The following SPTA1 variants were observed in gnomAD, a reference collection of about 807,000 sequenced individuals.
SPTA1 encodes spectrin alpha chain, erythrocytic 1.
In SPTA1, 177 loss-of-function variants were observed where a neutral mutation model predicts 324.7. That is an observed-to-expected ratio of 0.55 (90% CI 0.48 to 0.62). The LOEUF (loss-of-function observed/expected upper bound fraction) is 0.62, where lower values mean the gene tolerates loss of function less well. Among genes scored for constraint, SPTA1 ranks in the 20% least tolerant of loss-of-function variants. The probability of loss-of-function intolerance (pLI) is 0.00; values close to 1 mark genes in which losing one functional copy is unlikely to be tolerated. For synonymous variants in SPTA1, 1,195 were observed against 1,041.3 expected, an observed-to-expected ratio of 1.15 and a Z score of -2.84; for missense variants, 3,162 against 2,883.6, an observed-to-expected ratio of 1.10 and a Z score of -2.21.
At position 158,677,788 on chromosome 1, in the gene SPTA1, G is replaced by T. The variant is rs1258785333; in HGVS notation, c.859C>A (p.Leu287Ile). The change falls in exon 7 of 52, where the codon CTC (leucine) becomes ATC (isoleucine). Residue 287 changes from leucine to isoleucine, a missense_variant. Physicochemically the swap from Leu to Ile is conservative, Grantham distance 5 (BLOSUM62 2). Coordinates refer to ENST00000643759, the MANE Select transcript of SPTA1 (RefSeq NM_003126.4). ...TCTTTGCCATAGTCCTCAGAGGTGA[G>T]TACAGGTTCCTTCTCCTTGATCCAC... ...IQWIKEKEPV[L>I]TSEDYGKDLV... 4 of 1,613,570 alleles carry T rather than the reference G, an allele frequency of 2.5e-6. No individual in the cohort carries two copies. The highest frequency in any genetic ancestry group is 2.7e-5 in the African/African-American group (2 of 74,856).
intron 2 of SPTA1, among the ~76,000 whole-genome samples, chr1:158,684,109 T>C (rs988461624): frequency 6.6e-6 from 1 of 150,618 alleles, no homozygotes; most frequent in African/African-American, 2.4e-5. Context: ...AAAAAAAAAC[T>C]CTGGTTAACT....
In SPTA1 at chr1:158,626,841, A is replaced by G. The variant is rs1285871810; in HGVS notation, c.5831T>C (p.Ile1944Thr). 1 of 1,613,654 alleles carries G rather than the reference A, an allele frequency of 6.2e-7. No individual in the cohort carries two copies. The highest frequency in any genetic ancestry group is 1.1e-5 in the South Asian group (1 of 91,078). ...NWKADVVEAW[I>T]ADKETSLKTN... ...ACCCTGAACCTGACACATCATACCTATCCAAGCCTCTACCACATCAGCCTT... is the reference window on the plus strand; with the variant it reads ...ACCCTGAACCTGACACATCATACCTGTCCAAGCCTCTACCACATCAGCCTT... Residue 1944 changes from isoleucine to threonine, a missense_variant and splice_region_variant, in exon 41 of 52, where the codon ATA becomes ACA. Ile to Thr is a moderately conservative substitution (Grantham distance 89). Coordinates refer to ENST00000643759, the MANE Select transcript of SPTA1 (RefSeq NM_003126.4).
chr1:158,655,641 TG>T (rs1187890535), intron 20 of SPTA1, among the ~76,000 whole-genome samples: 2 of 152,222 alleles, frequency 1.3e-5, no homozygotes, highest in Non-Finnish European at 2.9e-5. Context: ...CTACGTCTTT[TG>T]TTTACTCTGA....
At position 158,657,556 on chromosome 1, in the gene SPTA1, T is replaced by C; in HGVS notation, c.2726A>G (p.His909Arg). The C allele has an allele frequency of 1.9e-6, 3 of 1,611,762 alleles. No homozygotes were observed. Among genetic ancestry groups the C allele is most frequent in the South Asian group, 1.1e-5 (1 of 91,026 alleles). The change falls in exon 19 of 52, where the codon CAT becomes CGT. Residue 909 changes from histidine to arginine, a missense_variant. Transcript: ENST00000643759. ...CTCTCTGATCCATGTTTCTGCTTCA[T>C]GCAGGTCAGCCAGGTACTGCTGGAA... Reference protein sequence around the residue: ...VQFQQYLADLHEAETWIREKE... With the variant: ...VQFQQYLADLREAETWIREKE...
In SPTA1 at chr1:158,676,275, T is replaced by G. The variant is rs532789393; in HGVS notation, c.978A>C (p.Lys326Asn). The G allele has an allele frequency of 6.2e-7, 1 of 1,613,668 alleles. No homozygotes were observed. The highest frequency in any genetic ancestry group is 2.2e-5 in the East Asian group (1 of 44,878). Reference protein sequence around the residue: ...MSDKVKELCAKAEKLTLSHPS... With the variant: ...MSDKVKELCANAEKLTLSHPS... Reference sequence around the variant, plus strand: ...GATGGGAAAGTGTCAGCTTCTCTGCTTTAGCACATAACTCCTTCACCTTTG... The same window carrying G: ...GATGGGAAAGTGTCAGCTTCTCTGCGTTAGCACATAACTCCTTCACCTTTG... The change falls in exon 8 of 52, where the codon AAA (lysine) becomes AAC (asparagine). Residue 326 changes from lysine (K) to asparagine (N), a missense_variant. Transcript: ENST00000643759.
rs1651674986 is a variant in SPTA1, at chr1:158,642,461, T to A, written c.4687A>T (p.Asn1563Tyr). 5 of 1,613,544 alleles carry A rather than the reference T, an allele frequency of 3.1e-6. No homozygotes were observed. The highest frequency in any genetic ancestry group is 4.2e-6 in the Non-Finnish European group (5 of 1,179,748). ...CAAGCGCTACACTCAATCAGGGAGT[T>A]CCCCAGGTTGATGACGCCATGCACC... is the stretch of plus-strand genomic sequence containing the variant. ...EQVHGVINLG[N>Y]SLIECSACDG... Residue 1563 changes from asparagine (N) to tyrosine (Y), a missense_variant, in exon 33 of 52, where the codon AAC (asparagine) becomes TAC (tyrosine). Physicochemically the swap from Asn to Tyr is moderately radical, Grantham distance 143. Coordinates refer to ENST00000643759, the MANE Select transcript of SPTA1 (RefSeq NM_003126.4).
chr1:158,670,270 G>C (rs1653925417), intron 12 of SPTA1, among the ~76,000 whole-genome samples: 1 of 152,128 alleles, frequency 6.6e-6, no homozygotes, highest in Admixed American at 6.5e-5. Flanking sequence ...AAATTATAGA[G>C]GTAAGTTTTC....
Position 158,617,712 on chromosome 1 carries a change from A to T in SPTA1, c.6549-124T>A, listed in dbSNP as rs1172192060. 1.1e-4 allele frequency: 106 copies of T among 999,720 alleles called. No homozygotes were observed. The East Asian group carries it at 2.7e-3, about 25-fold the overall frequency. The allele number at this position is 999,720 out of a possible 1,614,324, so 61.9% of individuals were successfully genotyped here. ...GGTTATGTGGCTTACATGAAGCAAA[A>T]TTTCACAGAGCCAAATTTTCACAAC... On this transcript the variant is annotated intron_variant, in intron 46 of 51. Transcript: ENST00000643759.
chr1:158,647,661 C>T lies in SPTA1; in HGVS notation c.3774G>A (p.Glu1258=). Residue 1258 remains glutamate, a synonymous_variant, in exon 27 of 52, where the codon GAG becomes GAA. Transcript: ENST00000643759. ...GCTCCATTTTCTGTCTCTGCAGGTCCTCAGTGGCATCTGGATGGGACTCAC... is the reference window on the plus strand; with the variant it reads ...GCTCCATTTTCTGTCTCTGCAGGTCTTCAGTGGCATCTGGATGGGACTCAC... ...RLSESHPDAT[E]DLQRQKMELN... is the part of the protein sequence containing the mutation. 6.2e-7 allele frequency: 1 copy of T among 1,613,994 alleles called. No homozygotes were observed. The highest frequency in any genetic ancestry group is 1.3e-5 in the African/African-American group (1 of 75,010).
chr1:158,658,738 A>G (rs1653000959), intron 18 of SPTA1, among the ~76,000 whole-genome samples: 1 of 152,132 alleles, frequency 6.6e-6, no homozygotes, highest in Non-Finnish European at 1.5e-5. Context: ...AAGCTTTAAA[A>G]CAGGTAGAGG....
chr1:158,650,380 T>C (rs1316374873), intron 24 of SPTA1, among the ~76,000 whole-genome samples: 1 of 152,190 alleles, frequency 6.6e-6, no homozygotes. Flanking sequence ...TTCGTATTTC[T>C]TCACCTTCTT....
intron 18 of SPTA1, 95 bp from the exon 19 acceptor site, chr1:158,657,789 T>A: frequency 8.0e-7 from 1 of 1,249,002 alleles, no homozygotes; most frequent in Non-Finnish European, 1.2e-6. Flanking sequence ...AAGGAAGTGA[T>A]AAAAATGGTA....
At chr1:158,685,488 T>C in intron 1 of SPTA1, 141 bp from the exon 2 acceptor site, 2 of 1,204,812 alleles carry the variant, frequency 1.7e-6, no homozygotes, top group Non-Finnish European at 2.3e-6. Flanking sequence ...TCAGAAGAGC[T>C]GTAGTATATT....
intron 5 of SPTA1, among the ~76,000 whole-genome samples, chr1:158,679,549 G>A (rs769208089): frequency 5.9e-5 from 9 of 151,988 alleles, no homozygotes; most frequent in Non-Finnish European, 1.2e-4. Context: ...TGCATGATGA[G>A]AGGTCACCCA....
Position 158,645,339 on chromosome 1 carries a change from A to G in SPTA1, c.4043T>C (p.Leu1348Ser). The G allele has an allele frequency of 1.2e-6, 2 of 1,613,854 alleles. No homozygotes were observed. The highest frequency in any genetic ancestry group is 8.5e-7 in the Non-Finnish European group (1 of 1,179,922). The change falls in exon 29 of 52, where the codon TTA becomes TCA. Residue 1348 changes from leucine to serine, a missense_variant. Transcript: ENST00000643759. ...GATAAGTTCTGCACTGAAGTCCTCT[A>G]AGGCCTGGAAGGTGGGAGCCTCTGC... ...MEAEAPTFQA[L>S]EDFSAELIDS...
intron 42 of SPTA1, among the ~76,000 whole-genome samples, chr1:158,625,827 A>G (rs1051280348): frequency 2.6e-5 from 4 of 151,756 alleles, no homozygotes; most frequent in Non-Finnish European, 4.4e-5. Context: ...AAATTAAAAG[A>G]AAACATTAAA....
At chr1:158,663,699 T>C (rs1413246826) in intron 16 of SPTA1, among the ~76,000 whole-genome samples, 1 of 152,062 alleles carries the variant, frequency 6.6e-6, no homozygotes, top group Non-Finnish European at 1.5e-5. Context: ...GGTATAAGAG[T>C]GGCACATAAG....
intron 15 of SPTA1, 49 bp downstream of exon 15, chr1:158,667,809 G>T (rs1481552722): frequency 1.9e-6 from 3 of 1,585,204 alleles, no homozygotes; most frequent in Non-Finnish European, 2.6e-6. Flanking sequence ...AAAGGTAGTA[G>T]ATTTCAGAAT....
chr1:158,645,315 A>G lies in SPTA1; in HGVS notation c.4067T>C (p.Ile1356Thr). The G allele has an allele frequency of 2.5e-6, 4 of 1,613,996 alleles. No homozygotes were observed. The highest frequency in any genetic ancestry group is 1.7e-5 in the Admixed American group (1 of 59,982). ...AGGGCTAGCATGGTGCCCACTGTCG[A>G]TAAGTTCTGCACTGAAGTCCTCTAA... ...QALEDFSAELIDSGHHASPEI... is the reference protein window; with the variant it reads ...QALEDFSAELTDSGHHASPEI... The change falls in exon 29 of 52, where the codon ATC becomes ACC. Residue 1356 changes from isoleucine to threonine, a missense_variant. Transcript: ENST00000643759.
Sources: gnomAD v4.1 joint callset for allele counts (sites outside exome capture counted in the v4.1 genomes callset) on GRCh38, gnomAD v4.1.1 for gene constraint, MANE v1.5 for transcripts, NCBI Gene and HGNC (gene_info 2026-07-23, HGNC 2026-07-21) for gene names.